Variants in DAB2IP observed in about 807,000 individuals in gnomAD.
DAB2IP encodes disabled homolog 2-interacting protein.
DAB2IP carries 28 observed loss-of-function variants against 107.2 expected under a neutral mutation model. The ratio of observed to expected loss-of-function variants is 0.26; its 90% CI spans 0.19 to 0.36. The LOEUF is 0.36. DAB2IP is among the 10% of genes least tolerant of loss of function. The probability of loss-of-function intolerance (pLI) is 1.00; values close to 1 mark genes in which losing one functional copy is unlikely to be tolerated. For missense variants in DAB2IP, 1,400 were observed against 1,644.7 expected, an observed-to-expected ratio of 0.85 and a Z score of 2.57; for synonymous variants, 755 against 706.4, an observed-to-expected ratio of 1.07 and a Z score of -1.09.
intron 2 of DAB2IP, among the ~76,000 whole-genome samples, chr9:121,697,617 G>C (rs1829492294): frequency 6.6e-6 from 1 of 152,226 alleles, no homozygotes; most frequent in South Asian, 2.1e-4. Flanking sequence ...CCCTCCTGCA[G>C]CCCCTAATAC....
rs1833867792 is a variant in DAB2IP at position 121,675,550 on chromosome 9, G to A, written c.125-3128G>A. Among the ~76,000 whole-genome samples, 3 of 152,168 alleles carry A rather than the reference G, an allele frequency of 2.0e-5. 1 individual carries two copies. In the South Asian group the frequency reaches 6.2e-4, roughly 32 times the overall value. ...GGGGGTCTGCCTCTGGCTAAGGTTT[G>A]CATCCTGAGACTAAGCCCTGAGTAC... is the stretch of plus-strand genomic sequence containing the variant. On this transcript the variant is annotated intron_variant, in intron 1 of 15. Transcript: ENST00000408936.
At chr9:121,725,784 T>C (rs904855780) in intron 3 of DAB2IP, among the ~76,000 whole-genome samples, 1 of 151,948 alleles carries the variant, frequency 6.6e-6, no homozygotes, top group African/African-American at 2.4e-5. Context: ...GGGGCGGCTA[T>C]GTGTTGGGCC....
At chr9:121,595,268 C>A (rs1440787232) in intron 1 of DAB2IP, among the ~76,000 whole-genome samples, 1 of 151,300 alleles carries the variant, frequency 6.6e-6, no homozygotes, top group African/African-American at 2.4e-5. Context: ...AAGAATAAAA[C>A]AAACACTGTG....
intron 1 of DAB2IP, among the ~76,000 whole-genome samples, chr9:121,620,540 A>G (rs117034142): frequency 0.018 from 2,808 of 152,300 alleles, 151 homozygotes; most frequent in Admixed American, 0.11. Context: ...TCAGTGAGGT[A>G]GCTAATACAT....
At chr9:121,763,596 C>T in exon 7 of DAB2IP, 1 of 1,613,874 alleles carries the variant, frequency 6.2e-7, no homozygotes. Context: ...GCCACCAAGG[C>T]CATTGAGGAG....
Position 121,604,231 on chromosome 9 carries a change from A to G in DAB2IP, c.40+37003A>G, listed in dbSNP as rs934657267. ...ATGTAAGAGCCTTGTCTCCCTTCCAAGCCATCACATGTCTCTCCTCTGGGC... is the reference window on the plus strand; with the variant it reads ...ATGTAAGAGCCTTGTCTCCCTTCCAGGCCATCACATGTCTCTCCTCTGGGC... On this transcript the variant is annotated intron_variant, in intron 1 of 16. Coordinates refer to the DAB2IP transcript ENST00000259371. Among the ~76,000 whole-genome samples the G allele has an allele frequency of 3.9e-5, 6 of 152,110 alleles. No homozygotes were observed. The South Asian group carries it at 6.2e-4, about 16-fold the overall frequency.
chr9:121,709,247 A>G (rs1589557486), intron 3 of DAB2IP, among the ~76,000 whole-genome samples: 1 of 152,148 alleles, frequency 6.6e-6, no homozygotes, highest in South Asian at 2.1e-4. Flanking sequence ...TACTGCATTC[A>G]GGTCATGAAG....
chr9:121,695,513 C>A (rs968418259), intron 2 of DAB2IP, among the ~76,000 whole-genome samples: 2 of 152,172 alleles, frequency 1.3e-5, no homozygotes, highest in African/African-American at 4.8e-5. Context: ...AGTAATCGGC[C>A]CACAGCTTGT....
intron 1 of DAB2IP, among the ~76,000 whole-genome samples, chr9:121,626,377 C>CACTCTGG (rs1186326968): frequency 2.0e-5 from 3 of 149,180 alleles, no homozygotes; most frequent in African/African-American, 7.4e-5. Flanking sequence ...AGATGTGAGG[C>CACTCTGG]ACTCTGGGCA....
At chr9:121,646,255 A>C (rs1210913127) in intron 1 of DAB2IP, among the ~76,000 whole-genome samples, 4 of 152,104 alleles carry the variant, frequency 2.6e-5, no homozygotes, top group South Asian at 2.1e-4. Flanking sequence ...GGGCGGTGGC[A>C]GTGGTGGTCG....
At chr9:121,602,525 C>T (rs1035573699) in intron 1 of DAB2IP, among the ~76,000 whole-genome samples, 1 of 152,208 alleles carries the variant, frequency 6.6e-6, no homozygotes. Flanking sequence ...TCTTTAGTAA[C>T]TGCGACTACA....
intron 1 of DAB2IP, among the ~76,000 whole-genome samples, chr9:121,657,237 C>T (rs1185598897): frequency 6.6e-6 from 1 of 152,134 alleles, no homozygotes; most frequent in Non-Finnish European, 1.5e-5. Context: ...GGTTCAGAGT[C>T]CCCTGGTGTG....
intron 14 of DAB2IP, among the ~76,000 whole-genome samples, chr9:121,777,562 A>G (rs1835291579): frequency 6.6e-6 from 1 of 152,252 alleles, no homozygotes. Flanking sequence ...AGACTTGCTT[A>G]ACACGTTCGT....
intron 3 of DAB2IP, among the ~76,000 whole-genome samples, chr9:121,745,863 T>C (rs1287732390): frequency 6.6e-6 from 1 of 152,214 alleles, no homozygotes; most frequent in Non-Finnish European, 1.5e-5. Flanking sequence ...AAATGGTGGC[T>C]GGAATTGAAG....
intron 1 of DAB2IP, among the ~76,000 whole-genome samples, chr9:121,632,636 C>T (rs1831937773): frequency 6.6e-6 from 1 of 152,318 alleles, no homozygotes; most frequent in East Asian, 1.9e-4. Context: ...ACACAAACTC[C>T]ATCTCATTCC....
intron 1 of DAB2IP, among the ~76,000 whole-genome samples, chr9:121,602,587 GT>G (rs142296603): frequency 6.6e-6 from 1 of 151,964 alleles, no homozygotes; most frequent in Non-Finnish European, 1.5e-5. Flanking sequence ...GTTTTGTTTT[GT>G]TTTTTGAGAT....
exon 8 of DAB2IP, chr9:121,763,789 G>A: frequency 6.2e-7 from 1 of 1,614,148 alleles, no homozygotes. Flanking sequence ...GTGGATCCCA[G>A]CAAGTGCTCG....
exon 16 of DAB2IP, chr9:121,783,560 T>TTGCTCGCTTG: frequency 6.2e-7 from 1 of 1,613,994 alleles, no homozygotes; most frequent in East Asian, 2.2e-5. Context: ...AAAAGCCCGC[T>TTGCTCGCTTG]TGCTCGCTTG....
In DAB2IP at chr9:121,596,678, C is replaced by T. The variant is rs150349042; in HGVS notation, c.40+29450C>T. 8.5e-4 allele frequency among the ~76,000 whole-genome samples: 129 copies of T among 152,220 alleles called. 2 individuals carry two copies. Among genetic ancestry groups the T allele is most frequent in the African/African-American group, 2.9e-3 (121 of 41,490 alleles). ...CTACCCCACAATTTGTTTATGCATTCTTCCTCTGATAGGGATGGAGGCTGT... is the reference window on the plus strand; with the variant it reads ...CTACCCCACAATTTGTTTATGCATTTTTCCTCTGATAGGGATGGAGGCTGT... On this transcript the variant is annotated intron_variant, in intron 1 of 16. Transcript: ENST00000259371.
Sources: allele counts gnomAD v4.1 joint callset (sites outside exome capture counted in the v4.1 genomes callset), GRCh38; gene constraint gnomAD v4.1.1; transcripts MANE v1.5; gene names NCBI Gene and HGNC (gene_info 2026-07-23, HGNC 2026-07-21).